The following TMC2 variants were observed in gnomAD, a reference collection of about 807,000 sequenced individuals.
The protein encoded by TMC2 is transmembrane channel like 2.
TMC2 carries 102 observed loss-of-function variants against 105.9 expected under a neutral mutation model. The observed-to-expected ratio is 0.96, with a 90% CI of 0.82 to 1.14. TMC2 has a LOEUF of 1.14. TMC2 is among the 50% of genes most tolerant of loss of function. The pLI is 0.00. For synonymous variants in TMC2, 402 were observed against 422.8 expected (o/e 0.95, Z 0.60); for missense variants, 1,093 against 1,134.3 (o/e 0.96, Z 0.52).
intron 17 of TMC2, among the ~76,000 whole-genome samples, chr20:2,628,653 T>C (rs932506068): frequency 2.0e-5 from 3 of 152,194 alleles, no homozygotes; most frequent in Admixed American, 2.0e-4. Flanking sequence ...GCACTTCTCC[T>C]TCCCGCCACT....
chr20:2,623,653 C>T (rs906901659), intron 16 of TMC2, among the ~76,000 whole-genome samples: 1 of 152,138 alleles, frequency 6.6e-6, no homozygotes, highest in African/African-American at 2.4e-5. Context: ...CCTCTTGGCA[C>T]CAAAATTATC....
chr20:2,640,729 G>A (rs2086681989), intron 19 of TMC2, among the ~76,000 whole-genome samples: 1 of 152,210 alleles, frequency 6.6e-6, no homozygotes, highest in Non-Finnish European at 1.5e-5. Flanking sequence ...AGTTAGAGGA[G>A]GGGAAGGAAA....
rs1276064402 is a variant in TMC2 at position 2,606,884 on chromosome 20, C to CT, written c.1414-3529dup. Among the ~76,000 whole-genome samples, 90 of 88,228 alleles carry CT rather than the reference C, an allele frequency of 1.0e-3. 3 individuals are homozygous for CT. The highest frequency in any genetic ancestry group is 5.2e-3 in the African/African-American group (86 of 16,640). 57.9% of individuals were successfully genotyped at this position (88,228 alleles called of 152,430 possible). The stretch of plus-strand genomic sequence containing the variant: ...TTTTAATATAGTTTTCCCTTAATTT[C>CT]TTTTTTCTTTTTTTTTTTTTTTTTT... On this transcript the variant is annotated intron_variant, in intron 11 of 19. Transcript: ENST00000358864.
intron 11 of TMC2, among the ~76,000 whole-genome samples, chr20:2,604,493 T>C (rs2086374949): frequency 6.6e-6 from 1 of 152,232 alleles, no homozygotes; most frequent in Non-Finnish European, 1.5e-5. Context: ...GTGATATTAT[T>C]ATATATTTCT....
Position 2,641,294 on chromosome 20 carries a change from T to C in TMC2, c.2664T>C (p.Ser888=), listed in dbSNP as rs1253149004. Residue 888 remains serine, a synonymous_variant, in exon 20 of 20, where the codon TCT becomes TCC. Coordinates refer to ENST00000358864, the MANE Select transcript of TMC2 (RefSeq NM_080751.3). ...GIGPDSGHAP[S]QTHPWRSASG... ...GACCAGATTCTGGCCACGCCCCATC[T>C]CAGACTCATCCGTGGAGGTCAGCCT... 2.5e-6 allele frequency: 4 copies of C among 1,614,114 alleles called. No individual in the cohort carries two copies. Among genetic ancestry groups the C allele is most frequent in the Middle Eastern group, 1.6e-4 (1 of 6,062 alleles).
Position 2,643,136 on chromosome 20 carries a change from A to T in TMC2, c.*1785A>T, listed in dbSNP as rs955058750. 2.0e-5 allele frequency among the ~76,000 whole-genome samples: 3 copies of T among 152,198 alleles called. No individual in the cohort carries two copies. The highest frequency in any genetic ancestry group is 7.2e-5 in the African/African-American group (3 of 41,442). ...TATTTCACACCAATCTCTCCTGGCA[A>T]GGCTAACGAAGATGTTGCAATGCCT... On this transcript the variant is annotated 3_prime_UTR_variant, in exon 20 of 20. Coordinates refer to ENST00000358864, the MANE Select transcript of TMC2 (RefSeq NM_080751.3).
chr20:2,614,716 A>G (rs964782370), intron 14 of TMC2, among the ~76,000 whole-genome samples: 1 of 152,140 alleles, frequency 6.6e-6, no homozygotes, highest in Admixed American at 6.5e-5. Flanking sequence ...AACAGAATAG[A>G]AAGTCCAGAA....
chr20:2,542,665 T>C lies in TMC2; in HGVS notation c.82+5349T>C, dbSNP rs891385214. Among the ~76,000 whole-genome samples the C allele has an allele frequency of 1.2e-4, 18 of 151,716 alleles. No homozygotes were observed. The East Asian group carries it at 3.1e-3, about 26-fold the overall frequency. On this transcript the variant is annotated intron_variant, in intron 2 of 19. Coordinates refer to ENST00000358864, the MANE Select transcript of TMC2 (RefSeq NM_080751.3). ...TAATTTATCACTCCCTTTTTCTTTCTATATTTTTACAGTCTTTTCTCTTTA... is the reference window on the plus strand; with the variant it reads ...TAATTTATCACTCCCTTTTTCTTTCCATATTTTTACAGTCTTTTCTCTTTA...
At chr20:2,584,595 A>G (rs1000664465) in intron 7 of TMC2, among the ~76,000 whole-genome samples, 1 of 152,072 alleles carries the variant, frequency 6.6e-6, no homozygotes, top group African/African-American at 2.4e-5. Flanking sequence ...TGAACTTTCC[A>G]TTTCAACTCA....
chr20:2,620,108 G>T (rs913166191), intron 16 of TMC2, among the ~76,000 whole-genome samples: 1 of 152,020 alleles, frequency 6.6e-6, no homozygotes, highest in Non-Finnish European at 1.5e-5. Flanking sequence ...GAGAAGAGAA[G>T]AAAAAAACAG....
chr20:2,558,418 C>G lies in TMC2; in HGVS notation c.83-38C>G. On this transcript the variant is annotated intron_variant, in intron 2 of 19. Coordinates refer to ENST00000358864, the MANE Select transcript of TMC2 (RefSeq NM_080751.3). This position sits in a 1 kb window ranked among gnomAD's most constrained non-coding sequence, Gnocchi z 4.6. ...GGGGACATTTTCCTGGGCCTGAGGC[C>G]GTTGGAACCAGAACTGTCCATTTTC... is the stretch of plus-strand genomic sequence containing the variant. 1 of 1,549,280 alleles carries G rather than the reference C, an allele frequency of 6.5e-7. No individual in the cohort carries two copies.
At chr20:2,611,037 A>C (rs1437262487) in intron 12 of TMC2, among the ~76,000 whole-genome samples, 1 of 152,220 alleles carries the variant, frequency 6.6e-6, no homozygotes, top group African/African-American at 2.4e-5. Flanking sequence ...TCCTGTCCCA[A>C]GTGTGTTCAC....
rs1216202562 is a variant in TMC2 at position 2,635,904 on chromosome 20, G to A, written c.2307-22G>A. 2.5e-6 allele frequency: 4 copies of A among 1,604,600 alleles called. No homozygotes were observed. The East Asian group carries it at 8.9e-5, about 36-fold the overall frequency. On this transcript the variant is annotated intron_variant, in intron 17 of 19. Transcript: ENST00000358864. Reference sequence around the variant, plus strand: ...ATCTGCCAAGATCACGGGACCATAGGAGGCATGCTTTTCTCTTGCAGCTTG... The same window carrying A: ...ATCTGCCAAGATCACGGGACCATAGAAGGCATGCTTTTCTCTTGCAGCTTG...
intron 16 of TMC2, among the ~76,000 whole-genome samples, chr20:2,622,027 A>C (rs147095863): frequency 1.1e-3 from 168 of 152,330 alleles, no homozygotes; most frequent in Non-Finnish European, 2.1e-3. Context: ...TATGCACTGG[A>C]AATAAAAATA....
intron 5 of TMC2, among the ~76,000 whole-genome samples, chr20:2,577,497 A>G (rs761352756): frequency 5.3e-5 from 8 of 152,230 alleles, no homozygotes; most frequent in Non-Finnish European, 1.0e-4. Context: ...TCTCTTTTGC[A>G]TCTGGGACCA....
At chr20:2,574,093 T>A (rs1402477573) in intron 5 of TMC2, among the ~76,000 whole-genome samples, 3 of 152,222 alleles carry the variant, frequency 2.0e-5, no homozygotes, top group African/African-American at 7.2e-5. Context: ...GAAATAGATT[T>A]TCTTTGTCAC....
chr20:2,558,800 A>T lies in TMC2; in HGVS notation c.401+26A>T, dbSNP rs374019495. ...GTGTGTTGTGGCTCCGATTCTGGGC[A>T]TTCGCTCCGCGCGCTCCCGCTCCTT... On this transcript the variant is annotated intron_variant, in intron 3 of 19. Transcript: ENST00000358864. This position sits in a 1 kb window ranked among gnomAD's most constrained non-coding sequence, Gnocchi z 4.6. 1 of 1,506,462 alleles carries T rather than the reference A, an allele frequency of 6.6e-7. No homozygotes were observed. Among genetic ancestry groups the T allele is most frequent in the African/African-American group, 1.4e-5 (1 of 71,638 alleles). 93.3% of individuals were successfully genotyped at this position (1,506,462 alleles called of 1,614,324 possible).
At chr20:2,629,529 T>A (rs370930755) in intron 17 of TMC2, among the ~76,000 whole-genome samples, 165 of 115,992 alleles carry the variant, frequency 1.4e-3, no homozygotes, top group Middle Eastern at 4.6e-3. Flanking sequence ...CTTACAGAAG[T>A]AAAAAAAAAA....
intron 17 of TMC2, among the ~76,000 whole-genome samples, chr20:2,634,264 G>A (rs530680869): frequency 3.3e-5 from 5 of 152,246 alleles, no homozygotes; most frequent in Admixed American, 6.5e-5. Context: ...CTGCAATGGC[G>A]CCTCTCCTTC....
Sources: allele counts gnomAD v4.1 joint callset (sites outside exome capture counted in the v4.1 genomes callset), GRCh38; gene constraint gnomAD v4.1.1; non-coding constraint Gnocchi (gnomAD v3.1); transcripts MANE v1.5; gene names NCBI Gene and HGNC (gene_info 2026-07-23, HGNC 2026-07-21).